NR1I2: variants seen among roughly 807,000 people sequenced by gnomAD.
NR1I2 encodes orphan nuclear receptor PAR1.
NR1I2 carries 42 observed loss-of-function variants against 43.3 expected under a neutral mutation model. The ratio of observed to expected loss-of-function variants is 0.97; its 90% CI spans 0.76 to 1.26. The LOEUF is 1.26. NR1I2 is among the 50% of genes most tolerant of loss of function. NR1I2 has a pLI of 0.00. For missense variants in NR1I2, 559 were observed against 566.7 expected (o/e 0.99, Z 0.14); for synonymous variants, 229 against 215.0 (o/e 1.06, Z -0.57).
intron 1 of NR1I2, among the ~76,000 whole-genome samples, chr3:119,798,813 C>T (rs1229189480): frequency 6.6e-6 from 1 of 152,142 alleles, no homozygotes; most frequent in Non-Finnish European, 1.5e-5. Flanking sequence ...TTTGGGTATA[C>T]TTCTTTCACT....
intron 1 of NR1I2, among the ~76,000 whole-genome samples, chr3:119,790,217 C>T (rs903079930): frequency 3.9e-5 from 6 of 152,064 alleles, no homozygotes; most frequent in South Asian, 2.1e-4. Flanking sequence ...AAGGTTCATC[C>T]GTATTGTAGC....
chr3:119,789,765 C>T (rs1341993159), intron 1 of NR1I2, among the ~76,000 whole-genome samples: 1 of 152,172 alleles, frequency 6.6e-6, no homozygotes, highest in African/African-American at 2.4e-5. Flanking sequence ...ACTGTGGCTG[C>T]CATGCACAGG....
In NR1I2 at chr3:119,783,763, A is replaced by G. The variant is rs74746829; in HGVS notation, c.-23+1463A>G. 9.8e-3 allele frequency among the ~76,000 whole-genome samples: 1,498 copies of G among 152,292 alleles called. 34 individuals are homozygous for G. The highest frequency in any genetic ancestry group is 0.034 in the African/African-American group (1,405 of 41,556). ...TTTCCCCAAAAGTACTTAGTGTGAT[A>G]TATTTACTGCCAGACCATTGTGTCT... is the stretch of plus-strand genomic sequence containing the variant. On this transcript the variant is annotated intron_variant, in intron 1 of 8. Coordinates refer to ENST00000393716, the MANE Select transcript of NR1I2 (RefSeq NM_003889.4).
At chr3:119,784,981 C>T (rs745977988) in intron 1 of NR1I2, among the ~76,000 whole-genome samples, 11 of 152,112 alleles carry the variant, frequency 7.2e-5, no homozygotes, top group Non-Finnish European at 1.3e-4. Flanking sequence ...CAGTTGATTC[C>T]TTTGGAATTT....
chr3:119,782,376 C>T, intron 1 of NR1I2, 76 bp downstream of exon 1: 1 of 225,108 alleles, frequency 4.4e-6, no homozygotes, highest in Non-Finnish European at 9.1e-6. Context: ...TGTGTGAACA[C>T]AAATATACCT....
At chr3:119,802,811 T>C (rs995942524) in intron 1 of NR1I2, 39 of 449,380 alleles carry the variant, frequency 8.7e-5, no homozygotes, top group Non-Finnish European at 9.4e-5. Context: ...ACAGAATATA[T>C]CTGGTGTGTA....
intron 1 of NR1I2, chr3:119,782,619 T>C (rs2054789219): frequency 1.5e-6 from 1 of 658,794 alleles, no homozygotes. Context: ...GTTACAGGGC[T>C]GGAGTCCCTG....
intron 5 of NR1I2, among the ~76,000 whole-genome samples, chr3:119,814,601 G>A (rs542334930): frequency 6.6e-6 from 1 of 152,190 alleles, no homozygotes; most frequent in African/African-American, 2.4e-5. Flanking sequence ...TACTAAAGGG[G>A]AAGTCATTCC....
intron 1 of NR1I2, among the ~76,000 whole-genome samples, chr3:119,805,264 T>C (rs892054927): frequency 1.1e-4 from 16 of 152,186 alleles, no homozygotes; most frequent in Non-Finnish European, 2.4e-4. Context: ...TTTTGTTTTG[T>C]TTTGCTGACT....
chr3:119,808,926 G>C (rs1255385397), intron 2 of NR1I2, among the ~76,000 whole-genome samples: 1 of 152,222 alleles, frequency 6.6e-6, no homozygotes, highest in Non-Finnish European at 1.5e-5. Flanking sequence ...TGTAGCATCA[G>C]AGTTTTCTTA....
intron 1 of NR1I2, among the ~76,000 whole-genome samples, chr3:119,797,492 A>G (rs2055017569): frequency 6.6e-6 from 1 of 152,166 alleles, no homozygotes; most frequent in African/African-American, 2.4e-5. Context: ...CTAAAGAGGA[A>G]AGGGAAAACT....
chr3:119,790,799 C>T (rs993198569), intron 1 of NR1I2, among the ~76,000 whole-genome samples: 8 of 152,210 alleles, frequency 5.3e-5, no homozygotes, highest in African/African-American at 1.4e-4. Context: ...TAAGTGTTCA[C>T]ATAATAAAAC....
rs1451720242 is a variant in NR1I2, at chr3:119,817,252, C to T, written c.*40C>T. On this transcript the variant is annotated 3_prime_UTR_variant, in exon 9 of 9. Transcript: ENST00000393716. ...GTGACACCTCCGAGAGGCAGCCAGA[C>T]CCAGAGCCCTCTGAGCCGCCACTCC... is the stretch of plus-strand genomic sequence containing the variant. 1 of 1,611,222 alleles carries T rather than the reference C, an allele frequency of 6.2e-7. No homozygotes were observed. Among genetic ancestry groups the T allele is most frequent in the East Asian group, 2.2e-5 (1 of 44,888 alleles).
chr3:119,814,950 T>A (rs774430609), intron 5 of NR1I2, 29 bp from the exon 6 acceptor site: 9 of 1,613,788 alleles, frequency 5.6e-6, no homozygotes, highest in Non-Finnish European at 6.8e-6. Context: ...CCCAGGGAGC[T>A]GTCCTCCCCT....
chr3:119,799,105 G>A (rs1279901455), intron 1 of NR1I2, among the ~76,000 whole-genome samples: 3 of 152,112 alleles, frequency 2.0e-5, no homozygotes, highest in African/African-American at 7.2e-5. Flanking sequence ...TAACATTTTA[G>A]GTAACTGAGC....
Position 119,811,611 on chromosome 3 carries a change from C to T in NR1I2, c.404C>T (p.Thr135Ile), listed in dbSNP as rs1208628681. 6.2e-7 allele frequency: 1 copy of T among 1,614,008 alleles called. No individual in the cohort carries two copies. Among genetic ancestry groups the T allele is most frequent in the Non-Finnish European group, 8.5e-7 (1 of 1,179,964 alleles). ...CGGAAGAAAAGTGAACGGACAGGGACTCAGCCACTGGGAGTGCAGGGGCTG... is the reference window on the plus strand; with the variant it reads ...CGGAAGAAAAGTGAACGGACAGGGATTCAGCCACTGGGAGTGCAGGGGCTG... The change falls in exon 4 of 9, where the codon ACT becomes ATT. Residue 135 changes from threonine to isoleucine, a missense_variant. By Grantham distance (89) the Thr-to-Ile change is moderately conservative. Coordinates refer to ENST00000393716, the MANE Select transcript of NR1I2 (RefSeq NM_003889.4).
chr3:119,786,915 GC>G (rs1033639722), intron 1 of NR1I2, among the ~76,000 whole-genome samples: 1 of 152,094 alleles, frequency 6.6e-6, no homozygotes, highest in African/African-American at 2.4e-5. Flanking sequence ...GCCTCATTTT[GC>G]CCCCATGAAT....
At chr3:119,808,540 A>T (rs1237413446) in intron 2 of NR1I2, among the ~76,000 whole-genome samples, 1 of 152,262 alleles carries the variant, frequency 6.6e-6, no homozygotes, top group East Asian at 1.9e-4. Flanking sequence ...GGCACAGAAG[A>T]GGCTGCCCAA....
chr3:119,808,897 CA>C (rs2055196395), intron 2 of NR1I2, among the ~76,000 whole-genome samples: 1 of 152,236 alleles, frequency 6.6e-6, no homozygotes, highest in Admixed American at 6.5e-5. Flanking sequence ...ATCTTTTACC[CA>C]TTCTCAGTGG....
Sources: gnomAD v4.1 joint callset for allele counts (sites outside exome capture counted in the v4.1 genomes callset) on GRCh38, gnomAD v4.1.1 for gene constraint, MANE v1.5 for transcripts, NCBI Gene and HGNC (gene_info 2026-07-23, HGNC 2026-07-21) for gene names.